The following HELQ variants were observed in gnomAD, a reference collection of about 807,000 sequenced individuals.
The protein encoded by HELQ is helicase POLQ-like.
Under a neutral mutation model 111.6 loss-of-function variants are expected in HELQ, and 77 were observed. The observed-to-expected ratio is 0.69, with a 90% CI of 0.57 to 0.83. The LOEUF (loss-of-function observed/expected upper bound fraction) is 0.83, where lower values mean the gene tolerates loss of function less well. HELQ is among the 40% of genes least tolerant of loss of function. The pLI is 0.00. For synonymous variants in HELQ, 438 were observed against 454.7 expected, an observed-to-expected ratio of 0.96 and a Z score of 0.47; for missense variants, 1,200 against 1,288.5, an observed-to-expected ratio of 0.93 and a Z score of 1.05.
intron 14 of HELQ, among the ~76,000 whole-genome samples, chr4:83,425,467 T>C (rs534055816): frequency 1.4e-4 from 21 of 152,218 alleles, no homozygotes; most frequent in Non-Finnish European, 2.9e-4. Flanking sequence ...AGTTAGTGTA[T>C]GCATTTGATA....
Position 83,416,713 on chromosome 4 carries a change from A to C in HELQ, c.3198+18T>G, listed in dbSNP as rs760461114. 9.3e-6 allele frequency: 15 copies of C among 1,609,500 alleles called. No homozygotes were observed. In the African/African-American group the frequency reaches 2.0e-4, roughly 22 times the overall value. ...CTACGCAAGATTATTAAGGTTAAAA[A>C]ATGGTTTGTTTGCTTACCTTTGCTG... On this transcript the variant is annotated intron_variant, in intron 17 of 17. Coordinates refer to ENST00000295488, the MANE Select transcript of HELQ (RefSeq NM_133636.5).
chr4:83,442,475 A>G (rs1720821615), intron 6 of HELQ, among the ~76,000 whole-genome samples: 1 of 149,582 alleles, frequency 6.7e-6, no homozygotes, highest in African/African-American at 2.5e-5. Context: ...CAGTGGCGCA[A>G]TCTCGGCTTG....
At chr4:83,426,135 T>C in intron 13 of HELQ, 43 bp from the exon 14 acceptor site, 1 of 1,030,760 alleles carries the variant, frequency 9.7e-7, no homozygotes, top group Non-Finnish European at 1.5e-6. Context: ...TCAAAAAATC[T>C]GTCATGTGAA....
Position 83,446,009 on chromosome 4 carries a change from C to T in HELQ, c.1465+5G>A, listed in dbSNP as rs1244072045. On this transcript the variant is annotated splice_donor_5th_base_variant and intron_variant, in intron 5 of 17. Transcript: ENST00000295488. ...ATTCATGACCTCATTTGAAAAAATA[C>T]TTACTGCTAGTGTAGAGGATTTTTG... is the stretch of plus-strand genomic sequence containing the variant. The T allele has an allele frequency of 3.8e-6, 6 of 1,581,158 alleles. No homozygotes were observed. The Admixed American group carries it at 8.4e-5, about 22-fold the overall frequency.
In HELQ at chr4:83,439,957, T is replaced by A; in HGVS notation, c.1714A>T (p.Thr572Ser). Residue 572 changes from threonine to serine, a missense_variant, in exon 8 of 18, where the codon ACA becomes TCA. By Grantham distance (58) the Thr-to-Ser change is moderately conservative (BLOSUM62 1). Coordinates refer to ENST00000295488, the MANE Select transcript of HELQ (RefSeq NM_133636.5). ...MDPDHLVALV[T>S]EVIPNYSCLV... ...CAGGAATAATTGGGAATAACTTCTG[T>A]CACCAATGCTACCAAGTGATCAGGA... is the stretch of plus-strand genomic sequence containing the variant. The A allele has an allele frequency of 1.2e-6, 2 of 1,611,638 alleles. No individual in the cohort carries two copies. The highest frequency in any genetic ancestry group is 1.7e-6 in the Non-Finnish European group (2 of 1,178,082).
chr4:83,446,108 G>C, intron 4 of HELQ, 22 bp from the exon 5 acceptor site: 1 of 1,554,860 alleles, frequency 6.4e-7, no homozygotes, highest in South Asian at 1.1e-5. Flanking sequence ...TTTTTAAAAA[G>C]GACAGAGAAG....
At chr4:83,424,411 C>G (rs1475503124) in intron 14 of HELQ, among the ~76,000 whole-genome samples, 13 of 152,190 alleles carry the variant, frequency 8.5e-5, no homozygotes. Context: ...AACATGAATG[C>G]TTAAGTACTA....
chr4:83,421,873 T>C, intron 14 of HELQ, 137 bp from the exon 15 acceptor site: 1 of 656,252 alleles, frequency 1.5e-6, no homozygotes, highest in South Asian at 1.8e-5. Flanking sequence ...AAAACTAATT[T>C]CTAACAGATG....
chr4:83,455,539 C>G lies in HELQ; in HGVS notation c.155G>C (p.Arg52Thr). The G allele has an allele frequency of 1.2e-6, 2 of 1,613,658 alleles. No individual in the cohort carries two copies. Among genetic ancestry groups the G allele is most frequent in the Non-Finnish European group, 1.7e-6 (2 of 1,179,624 alleles). The change falls in exon 1 of 18, where the codon AGG becomes ACG. Residue 52 changes from arginine (R) to threonine (T), a missense_variant. Coordinates refer to ENST00000295488, the MANE Select transcript of HELQ (RefSeq NM_133636.5). ...EEEEMVAENRRRKTAGVLPVE... is the reference protein window; with the variant it reads ...EEEEMVAENRTRKTAGVLPVE... The stretch of plus-strand genomic sequence containing the variant: ...CGGCAGTACGCCCGCGGTTTTCCGC[C>G]TCCTGTTCTCAGCCACCATTTCCTC...
chr4:83,453,335 T>C lies in HELQ; in HGVS notation c.908A>G (p.Lys303Arg), dbSNP rs1422835264. 2 of 1,613,686 alleles carry C rather than the reference T, an allele frequency of 1.2e-6. No homozygotes were observed. The highest frequency in any genetic ancestry group is 1.7e-5 in the Admixed American group (1 of 59,920). Residue 303 changes from lysine to arginine, a missense_variant, in exon 2 of 18, where the codon AAG becomes AGG. Coordinates refer to ENST00000295488, the MANE Select transcript of HELQ (RefSeq NM_133636.5). ...TLLSEEINVA[K>R]KTVESSSNDL... ...ATTTGATGATGACTCAACTGTTTTCTTAGCAACATTAATTTCCTCAGATAG... is the reference window on the plus strand; with the variant it reads ...ATTTGATGATGACTCAACTGTTTTCCTAGCAACATTAATTTCCTCAGATAG...
At chr4:83,441,523 A>G in intron 6 of HELQ, 120 bp from the exon 7 acceptor site, 1 of 533,230 alleles carries the variant, frequency 1.9e-6, no homozygotes, top group South Asian at 3.0e-5. Flanking sequence ...TTTCTAAGAT[A>G]CATAAAACAT....
At chr4:83,441,809 A>AC (rs1720773492) in intron 6 of HELQ, among the ~76,000 whole-genome samples, 1 of 130,846 alleles carries the variant, frequency 7.6e-6, no homozygotes, top group South Asian at 2.3e-4. Flanking sequence ...GTCTCACTCT[A>AC]TCACCCAGGC....
intron 17 of HELQ, among the ~76,000 whole-genome samples, chr4:83,411,689 T>G (rs546537760): frequency 6.6e-6 from 1 of 151,886 alleles, no homozygotes; most frequent in Admixed American, 6.6e-5. Flanking sequence ...GTTGCCCAGG[T>G]TGGAGTGCAG....
intron 2 of HELQ, among the ~76,000 whole-genome samples, chr4:83,449,815 G>A (rs1476136016): frequency 6.6e-6 from 1 of 150,856 alleles, no homozygotes; most frequent in African/African-American, 2.4e-5. Context: ...ATGCTCAGCT[G>A]TTCTCTACTG....
intron 1 of HELQ, 89 bp downstream of exon 1, chr4:83,455,308 A>T: frequency 1.3e-6 from 2 of 1,548,534 alleles, no homozygotes; most frequent in Non-Finnish European, 1.7e-6. Flanking sequence ...AAGACGAGAG[A>T]AGTAAACGAA....
At chr4:83,429,272 G>A (rs1318371635) in intron 12 of HELQ, among the ~76,000 whole-genome samples, 2 of 151,920 alleles carry the variant, frequency 1.3e-5, no homozygotes, top group Non-Finnish European at 2.9e-5. Context: ...TCAGCCTCCC[G>A]AGTAGCTGGG....
chr4:83,423,363 CAAATT>C (rs1719643274), intron 14 of HELQ, among the ~76,000 whole-genome samples: 1 of 152,078 alleles, frequency 6.6e-6, no homozygotes, highest in Non-Finnish European at 1.5e-5. Flanking sequence ...CTTACGGTGA[CAAATT>C]GAAGGATGTA....
intron 9 of HELQ, among the ~76,000 whole-genome samples, chr4:83,432,951 T>C (rs1720236194): frequency 6.6e-6 from 1 of 151,984 alleles, no homozygotes; most frequent in Non-Finnish European, 1.5e-5. Flanking sequence ...TCCCAGATAC[T>C]TGGGAGGCTA....
At chr4:83,423,016 T>G (rs938514650) in intron 14 of HELQ, among the ~76,000 whole-genome samples, 3 of 152,238 alleles carry the variant, frequency 2.0e-5, no homozygotes, top group Non-Finnish European at 1.5e-5. Flanking sequence ...TATACCTGCT[T>G]TGGCCTGTGG....
Sources: allele counts gnomAD v4.1 joint callset (sites outside exome capture counted in the v4.1 genomes callset), GRCh38; gene constraint gnomAD v4.1.1; transcripts MANE v1.5; gene names NCBI Gene and HGNC (gene_info 2026-07-23, HGNC 2026-07-21).